The following HDAC9 variants were observed in gnomAD, a reference collection of about 807,000 sequenced individuals.
HDAC9 encodes the protein histone deacetylase 9, also known as MEF-2 interacting transcription repressor (MITR) protein.
In HDAC9, 41 loss-of-function variants were observed where a neutral mutation model predicts 139.4. The ratio of observed to expected loss-of-function variants is 0.29; its 90% confidence interval spans 0.23 to 0.38. The LOEUF is 0.38. Ranked by LOEUF, HDAC9 falls within the 10% of genes least tolerant of loss-of-function variation. The probability of loss-of-function intolerance (pLI) is 1.00; values close to 1 mark genes in which losing one functional copy is unlikely to be tolerated. For missense variants in HDAC9, 1,147 were observed against 1,297.0 expected, an observed-to-expected ratio of 0.88 and a Z score of 1.78; for synonymous variants, 517 against 476.2, an observed-to-expected ratio of 1.09 and a Z score of -1.12.
intron 2 of HDAC9, among the ~76,000 whole-genome samples, chr7:18,266,079 G>C (rs757745034): frequency 6.6e-6 from 1 of 152,026 alleles, no homozygotes; most frequent in African/African-American, 2.4e-5. Flanking sequence ...GCTTGATATT[G>C]CATCACTCAC....
intron 4 of HDAC9, 130 bp from the exon 5 acceptor site, chr7:18,591,386 G>A (rs1830898484): frequency 7.7e-7 from 1 of 1,295,770 alleles, no homozygotes; most frequent in Admixed American, 3.0e-5. Flanking sequence ...TATGTGCTGT[G>A]ACCAGCGATT....
chr7:18,959,100 G>A (rs147556258), intron 24 of HDAC9, among the ~76,000 whole-genome samples: 38 of 152,096 alleles, frequency 2.5e-4, no homozygotes, highest in Non-Finnish European at 4.4e-4. Flanking sequence ...CGTTGAATTC[G>A]TTCACTTTTC....
At chr7:18,384,539 C>G (rs974390745) in intron 1 of HDAC9, among the ~76,000 whole-genome samples, 7 of 151,666 alleles carry the variant, frequency 4.6e-5, no homozygotes, top group African/African-American at 1.7e-4. Context: ...ATATTTTTTC[C>G]TTAGCTTATT....
chr7:18,979,758 C>A (rs928735332), intron 25 of HDAC9, among the ~76,000 whole-genome samples: 2 of 151,902 alleles, frequency 1.3e-5, no homozygotes, highest in Non-Finnish European at 2.9e-5. Context: ...CAGAAGCAAA[C>A]AAGAGAGAGA....
At chr7:18,982,772 A>T (rs1356546203) in intron 25 of HDAC9, among the ~76,000 whole-genome samples, 1 of 152,130 alleles carries the variant, frequency 6.6e-6, no homozygotes, top group Non-Finnish European at 1.5e-5. Context: ...CACCTCATTA[A>T]GCATGTTTTT....
At chr7:18,820,424 C>G (rs963440065) in intron 17 of HDAC9, among the ~76,000 whole-genome samples, 1 of 152,126 alleles carries the variant, frequency 6.6e-6, no homozygotes. Flanking sequence ...GAATAGTAAT[C>G]TTATTTTAAA....
chr7:18,591,562 A>G lies in HDAC9; in HGVS notation c.462A>G (p.Leu154=), dbSNP rs764569569. The change falls in exon 5 of 26, where the codon CTA becomes CTG. Residue 154 remains leucine (L), a synonymous_variant. Coordinates refer to ENST00000686413, the MANE Select transcript of HDAC9 (RefSeq NM_178425.4). ...TAAAGCAGAAGCTTCAAGAGTTCCT[A>G]CTGAGTAAATCAGCAACGAAAGACA... ...TEVKQKLQEF[L]LSKSATKDTP... is the part of the protein sequence containing the mutation. The G allele has an allele frequency of 6.2e-7, 1 of 1,612,534 alleles. No homozygotes were observed. Among genetic ancestry groups the G allele is most frequent in the Non-Finnish European group, 8.5e-7 (1 of 1,179,438 alleles).
intron 1 of HDAC9, among the ~76,000 whole-genome samples, chr7:18,343,469 T>G (rs985109691): frequency 1.3e-5 from 2 of 151,856 alleles, no homozygotes; most frequent in Admixed American, 1.3e-4. Context: ...AGAATTCAGA[T>G]TATCTACAGA....
At chr7:18,356,126 A>G (rs927894022) in intron 1 of HDAC9, among the ~76,000 whole-genome samples, 5 of 152,020 alleles carry the variant, frequency 3.3e-5, no homozygotes, top group Non-Finnish European at 5.9e-5. Flanking sequence ...ACTAAAAAAG[A>G]AAAAAAGGAA....
At chr7:18,725,572 G>A (rs1785480329) in intron 12 of HDAC9, among the ~76,000 whole-genome samples, 1 of 152,090 alleles carries the variant, frequency 6.6e-6, no homozygotes, top group South Asian at 2.1e-4. Flanking sequence ...TTAGAAGTTG[G>A]GTGATCAGTT....
chr7:18,576,764 TAAA>T (rs201052948), intron 2 of HDAC9, among the ~76,000 whole-genome samples: 2 of 150,112 alleles, frequency 1.3e-5, no homozygotes, highest in African/African-American at 4.9e-5. Flanking sequence ...TCTGCAATGA[TAAA>T]AAAAAATACA....
chr7:18,192,008 G>GA (rs546571960), intron 2 of HDAC9, among the ~76,000 whole-genome samples: 4 of 152,166 alleles, frequency 2.6e-5, no homozygotes, highest in East Asian at 3.9e-4. Context: ...CTATGTGCTA[G>GA]AAAAAAACCC....
chr7:18,655,909 G>C (rs1350431432), intron 11 of HDAC9, among the ~76,000 whole-genome samples: 1 of 152,164 alleles, frequency 6.6e-6, no homozygotes, highest in Admixed American at 6.5e-5. Flanking sequence ...AAGGGAAAGG[G>C]AAGCTAAATA....
chr7:18,343,418 A>T (rs974189796), intron 1 of HDAC9, among the ~76,000 whole-genome samples: 1 of 151,896 alleles, frequency 6.6e-6, no homozygotes, highest in Non-Finnish European at 1.5e-5. Context: ...TATTTGACAG[A>T]GTTTAATGGA....
At chr7:18,299,440 A>G (rs1317285774) in intron 1 of HDAC9, among the ~76,000 whole-genome samples, 4 of 152,168 alleles carry the variant, frequency 2.6e-5, no homozygotes, top group Middle Eastern at 3.4e-3. Context: ...TTCTGCTTCA[A>G]ATTTAGTCTG....
At chr7:18,378,026 A>AT (rs1785130314) in intron 1 of HDAC9, among the ~76,000 whole-genome samples, 1 of 152,260 alleles carries the variant, frequency 6.6e-6, no homozygotes, top group South Asian at 2.1e-4. Context: ...TAAACCTAGA[A>AT]ACTTGGAAAT....
At chr7:18,299,710 A>G (rs1002660114) in intron 1 of HDAC9, among the ~76,000 whole-genome samples, 3 of 152,214 alleles carry the variant, frequency 2.0e-5, no homozygotes, top group Non-Finnish European at 2.9e-5. Flanking sequence ...GAAGGCAGGA[A>G]CAAATTCTAA....
chr7:18,866,460 C>A (rs1298937393), intron 21 of HDAC9, among the ~76,000 whole-genome samples: 1 of 152,110 alleles, frequency 6.6e-6, no homozygotes, highest in Non-Finnish European at 1.5e-5. Context: ...CACATTGTTT[C>A]TTCCTTGTTG....
At chr7:18,684,141 C>G (rs116734929) in intron 12 of HDAC9, among the ~76,000 whole-genome samples, 1,654 of 151,424 alleles carry the variant, frequency 0.011, 45 homozygotes, top group African/African-American at 0.038. Context: ...GCCTGTAGTC[C>G]CATCTACTTC....
Sources: gnomAD v4.1 joint callset for allele counts (sites outside exome capture counted in the v4.1 genomes callset) on GRCh38, gnomAD v4.1.1 for gene constraint, MANE v1.5 for transcripts, NCBI Gene and HGNC (gene_info 2026-07-23, HGNC 2026-07-21) for gene names.